SLC5A12: variants seen among roughly 807,000 people sequenced by gnomAD.
The protein encoded by SLC5A12 is solute carrier family 5 member 12.
Under a neutral mutation model 72.7 loss-of-function variants are expected in SLC5A12, and 46 were observed. That is an observed-to-expected ratio of 0.63 (90% CI 0.50 to 0.81). SLC5A12 has a LOEUF of 0.81. SLC5A12 is among the 30% of genes least tolerant of loss of function. The pLI, the probability that SLC5A12 is intolerant of heterozygous loss-of-function variation, is 0.00. For synonymous variants in SLC5A12, 275 were observed against 264.4 expected (o/e 1.04, Z -0.39); for missense variants, 683 against 740.7 (o/e 0.92, Z 0.90).
rs1334094766 is a variant in SLC5A12, at chr11:26,678,743, A to G, written c.1548T>C (p.Ile516=). Residue 516 remains isoleucine, a synonymous_variant, in exon 13 of 15, where the codon ATT becomes ATC. Coordinates refer to ENST00000396005, the MANE Select transcript of SLC5A12 (RefSeq NM_178498.4). ...YYSAVGCLGC[I]VAGVIISLIT... is the part of the protein sequence containing the mutation. ...TGAGGCTGATGATTACTCCAGCAAC[A>G]ATGCATCCTAAGCAGCCCACTGCAC... 2 of 1,613,178 alleles carry G rather than the reference A, an allele frequency of 1.2e-6. No individual in the cohort carries two copies. Among genetic ancestry groups the G allele is most frequent in the African/African-American group, 1.3e-5 (1 of 74,840 alleles).
intron 9 of SLC5A12, 28 bp downstream of exon 9, chr11:26,692,461 G>T (rs767333594): frequency 7.1e-7 from 1 of 1,408,586 alleles, no homozygotes; most frequent in South Asian, 1.1e-5. Context: ...TCATGATATG[G>T]AATAGAAAGT....
intron 4 of SLC5A12, among the ~76,000 whole-genome samples, chr11:26,704,966 A>G (rs1428528043): frequency 5.9e-5 from 9 of 152,110 alleles, no homozygotes; most frequent in Admixed American, 5.9e-4. Flanking sequence ...TGGTGAGGTA[A>G]GTGGAACAGA....
chr11:26,683,709 G>T, intron 11 of SLC5A12, 48 bp downstream of exon 11: 3 of 1,468,526 alleles, frequency 2.0e-6, no homozygotes, highest in South Asian at 1.2e-5. Context: ...GAAAACGGCT[G>T]GGCCCAGTTT....
chr11:26,720,002 G>T (rs2133229355), intron 1 of SLC5A12, among the ~76,000 whole-genome samples: 1 of 152,242 alleles, frequency 6.6e-6, no homozygotes, highest in South Asian at 2.1e-4. Flanking sequence ...GTCTAAAAAA[G>T]ATTGTTTTAA....
chr11:26,703,084 T>C lies in SLC5A12; in HGVS notation c.821+447A>G, dbSNP rs569689625. 3.6e-4 allele frequency among the ~76,000 whole-genome samples: 55 copies of C among 152,280 alleles called. 1 individual carries two copies. The highest frequency in any genetic ancestry group is 3.4e-3 in the Middle Eastern group (1 of 294). On this transcript the variant is annotated intron_variant, in intron 6 of 14. Transcript: ENST00000396005. ...TTCTATTTGGTAACTGCCTAATTCA[T>C]AAATCACTGTTCATTCAAATAAACT...
At chr11:26,696,767 A>G (rs1854826300) in intron 8 of SLC5A12, among the ~76,000 whole-genome samples, 1 of 152,214 alleles carries the variant, frequency 6.6e-6, no homozygotes, top group Non-Finnish European at 1.5e-5. Context: ...GACTGTATAT[A>G]TTGTAGCCAA....
At chr11:26,697,501 GA>G (rs1188039010) in intron 7 of SLC5A12, among the ~76,000 whole-genome samples, 1 of 152,062 alleles carries the variant, frequency 6.6e-6, no homozygotes, top group Non-Finnish European at 1.5e-5. Context: ...AGACTTCAGG[GA>G]ATCTAGATAT....
chr11:26,703,752 C>T, intron 5 of SLC5A12, 41 bp downstream of exon 5: 1 of 1,612,882 alleles, frequency 6.2e-7, no homozygotes, highest in Non-Finnish European at 8.5e-7. Flanking sequence ...GGTCATGTAG[C>T]TAAGTCTTTG....
At chr11:26,698,353 C>T (rs189629087) in intron 7 of SLC5A12, 53 bp downstream of exon 7, 1 of 1,593,612 alleles carries the variant, frequency 6.3e-7, no homozygotes, top group East Asian at 2.2e-5. Flanking sequence ...CCACCAATAG[C>T]TAGAAGCACG....
intron 9 of SLC5A12, among the ~76,000 whole-genome samples, chr11:26,689,322 C>T (rs765645617): frequency 2.0e-5 from 3 of 151,986 alleles, no homozygotes; most frequent in African/African-American, 4.8e-5. Flanking sequence ...CCCTTGAACC[C>T]GGGAGGCGGA....
intron 13 of SLC5A12, among the ~76,000 whole-genome samples, chr11:26,676,970 G>C (rs1854280766): frequency 6.6e-6 from 1 of 151,974 alleles, no homozygotes; most frequent in Non-Finnish European, 1.5e-5. Context: ...GCCCACAAAA[G>C]GCCTCTGTCC....
intron 4 of SLC5A12, 117 bp downstream of exon 4, chr11:26,709,195 T>C: frequency 1.5e-6 from 1 of 668,096 alleles, no homozygotes; most frequent in African/African-American, 1.8e-5. Flanking sequence ...GCCGACATAC[T>C]TCTGCTTAAT....
chr11:26,681,708 T>G (rs556317888), intron 11 of SLC5A12, among the ~76,000 whole-genome samples: 41 of 152,138 alleles, frequency 2.7e-4, no homozygotes, highest in Non-Finnish European at 5.1e-4. Context: ...TACTAGCAAG[T>G]GCATTTAATG....
At chr11:26,698,580 CAT>C in intron 6 of SLC5A12, 45 bp from the exon 7 acceptor site, 1 of 1,601,798 alleles carries the variant, frequency 6.2e-7, no homozygotes. Context: ...TATACCATAT[CAT>C]ACTGTGGTGA....
At position 26,698,482 on chromosome 11, in the gene SLC5A12, A is replaced by T. The variant is rs1854881344; in HGVS notation, c.875T>A (p.Phe292Tyr). 1 of 1,613,930 alleles carries T rather than the reference A, an allele frequency of 6.2e-7. No homozygotes were observed. Among genetic ancestry groups the T allele is most frequent in the South Asian group, 1.1e-5 (1 of 91,082 alleles). ...GTGAGAGTACATGATTAAGCCAGAGAAGACAGCACACACCAGAATGATCCA... is the reference window on the plus strand; with the variant it reads ...GTGAGAGTACATGATTAAGCCAGAGTAGACAGCACACACCAGAATGATCCA... Reference protein sequence around the residue: ...GLWIILVCAVFSGLIMYSHFK... With the variant: ...GLWIILVCAVYSGLIMYSHFK... The change falls in exon 7 of 15, where the codon TTC becomes TAC. Residue 292 changes from phenylalanine to tyrosine, a missense_variant. By Grantham distance (22) the Phe-to-Tyr change is conservative. Transcript: ENST00000396005.
At chr11:26,681,264 T>A (rs200268936) in intron 11 of SLC5A12, 43 bp from the exon 12 acceptor site, 1 of 1,483,354 alleles carries the variant, frequency 6.7e-7, no homozygotes, top group East Asian at 2.5e-5. Flanking sequence ...TTGGCAAAGC[T>A]GTCTATGGAA....
At chr11:26,723,311 A>G (rs1855513358), upstream of SLC5A12, 1 of 152,428 alleles carries the variant, frequency 6.6e-6, no homozygotes, top group Non-Finnish European at 1.5e-5. Context: ...AGTTACCAAT[A>G]AAAATATGAA....
intron 9 of SLC5A12, chr11:26,691,545 T>C (rs1854674133): frequency 6.6e-6 from 1 of 152,134 alleles, no homozygotes; most frequent in African/African-American, 2.4e-5. Context: ...AGAAGCCATT[T>C]GATAGAATAC....
chr11:26,718,058 G>A lies in SLC5A12; in HGVS notation c.339+3318C>T, dbSNP rs753726916. On this transcript the variant is annotated intron_variant, in intron 1 of 14. Transcript: ENST00000396005. ...GGCCAAAGTTCACAGGGTGGATAAA[G>A]AGACTCCACCTCTTTCAGTCTTTAG... Among the ~76,000 whole-genome samples the A allele has an allele frequency of 2.0e-5, 3 of 152,186 alleles. No individual in the cohort carries two copies. In the East Asian group the frequency reaches 5.8e-4, roughly 29 times the overall value.
Sources: allele counts gnomAD v4.1 joint callset (sites outside exome capture counted in the v4.1 genomes callset), GRCh38; gene constraint gnomAD v4.1.1; transcripts MANE v1.5; gene names NCBI Gene and HGNC (gene_info 2026-07-23, HGNC 2026-07-21).